CLMN: variants seen among roughly 807,000 people sequenced by gnomAD.
The protein encoded by CLMN is calmin (calponin-like, transmembrane).
CLMN carries 57 observed loss-of-function variants against 92.7 expected under a neutral mutation model. The ratio of observed to expected loss-of-function variants is 0.61; its 90% CI spans 0.50 to 0.77. The LOEUF is 0.77. Ranked by LOEUF, CLMN falls within the 30% of genes least tolerant of loss-of-function variation. The pLI is 0.00. For missense variants in CLMN, 1,158 were observed against 1,237.5 expected, an observed-to-expected ratio of 0.94 and a Z score of 0.96; for synonymous variants, 466 against 470.6, an observed-to-expected ratio of 0.99 and a Z score of 0.13.
intron 1 of CLMN, among the ~76,000 whole-genome samples, chr14:95,285,548 G>C (rs1280646173): frequency 6.6e-6 from 1 of 152,162 alleles, no homozygotes; most frequent in African/African-American, 2.4e-5. Flanking sequence ...ACACAAGCTA[G>C]GGAAACACTG....
intron 1 of CLMN, among the ~76,000 whole-genome samples, chr14:95,309,392 C>T (rs1384150228): frequency 1.3e-5 from 2 of 152,186 alleles, no homozygotes; most frequent in African/African-American, 2.4e-5. Context: ...TCCAAAAGTA[C>T]ACAAGGATTA....
chr14:95,249,847 AC>A (rs569825737), intron 1 of CLMN, among the ~76,000 whole-genome samples: 161 of 152,228 alleles, frequency 1.1e-3, no homozygotes, highest in Non-Finnish European at 1.7e-3. Context: ...CCCACTCAGA[AC>A]CCAATTTCAA....
intron 1 of CLMN, among the ~76,000 whole-genome samples, chr14:95,304,686 T>C (rs1012607432): frequency 6.6e-6 from 1 of 152,018 alleles, no homozygotes; most frequent in African/African-American, 2.4e-5. Context: ...GTACAGATTG[T>C]TGTACAATCT....
chr14:95,319,583 G>C, intron 1 of CLMN, 128 bp downstream of exon 1: 5 of 762,944 alleles, frequency 6.6e-6, no homozygotes, highest in Non-Finnish European at 8.0e-6. Flanking sequence ...CTCCCACCTC[G>C]AGGCAAGTGA....
intron 1 of CLMN, among the ~76,000 whole-genome samples, chr14:95,305,339 C>G (rs1595117390): frequency 1.3e-5 from 2 of 152,200 alleles, no homozygotes; most frequent in African/African-American, 2.4e-5. Flanking sequence ...GTGTGAGCCA[C>G]CACTCAAAGC....
chr14:95,263,223 T>C (rs1422725818), intron 1 of CLMN, among the ~76,000 whole-genome samples: 2 of 152,168 alleles, frequency 1.3e-5, no homozygotes, highest in Non-Finnish European at 2.9e-5. Flanking sequence ...ATACGTCCTC[T>C]TCACGTGGCA....
intron 10 of CLMN, 74 bp downstream of exon 10, chr14:95,196,424 T>A: frequency 6.9e-7 from 1 of 1,439,266 alleles, no homozygotes; most frequent in Non-Finnish European, 9.4e-7. Flanking sequence ...TCCCACCCCA[T>A]CAAATCAGAA....
intron 1 of CLMN, among the ~76,000 whole-genome samples, chr14:95,231,820 A>G (rs994290825): frequency 1.3e-5 from 2 of 152,178 alleles, no homozygotes; most frequent in African/African-American, 4.8e-5. Flanking sequence ...TGCAATAGTC[A>G]TAACAGTGAT....
At chr14:95,193,250 A>T in intron 12 of CLMN, 1 of 1,041,564 alleles carries the variant, frequency 9.6e-7, no homozygotes, top group Non-Finnish European at 1.4e-6. Context: ...CCTATGTTTT[A>T]AATGGGCAGG....
intron 12 of CLMN, chr14:95,193,534 T>C (rs1896613362): frequency 2.8e-6 from 2 of 712,880 alleles, no homozygotes; most frequent in Non-Finnish European, 4.6e-6. Context: ...AACTACCCTA[T>C]ACCACTAAAC....
At chr14:95,221,649 C>G in intron 4 of CLMN, 42 bp downstream of exon 4, 1 of 1,554,650 alleles carries the variant, frequency 6.4e-7, no homozygotes, top group Non-Finnish European at 8.9e-7. Flanking sequence ...CTTTTCCTAA[C>G]AGGACAAGCT....
chr14:95,202,921 C>T lies in CLMN; in HGVS notation c.2428G>A (p.Ala810Thr). Residue 810 changes from alanine to threonine, a missense_variant, in exon 9 of 13, where the codon GCC becomes ACC. By Grantham distance (58) the Ala-to-Thr change is moderately conservative. Transcript: ENST00000298912. Reference sequence around the variant, plus strand: ...GGGGCCAGTGGAGCGGGTTCTGAGGCTGGTGTGGTACCCACACCACCCCTG... The same window carrying T: ...GGGGCCAGTGGAGCGGGTTCTGAGGTTGGTGTGGTACCCACACCACCCCTG... ...LSRGGVGTTP[A>T]SEPAPLAPHE... is the part of the protein sequence containing the mutation. 1.2e-6 allele frequency: 2 copies of T among 1,603,670 alleles called. No homozygotes were observed. Among genetic ancestry groups the T allele is most frequent in the Non-Finnish European group, 1.7e-6 (2 of 1,176,204 alleles).
intron 1 of CLMN, among the ~76,000 whole-genome samples, chr14:95,253,857 G>A (rs375160762): frequency 9.2e-5 from 14 of 152,062 alleles, no homozygotes; most frequent in East Asian, 7.7e-4. Flanking sequence ...CTCCTGATCC[G>A]CCCGCCTCGG....
chr14:95,245,255 ATATATATATAT>A (rs1182135065), intron 1 of CLMN, among the ~76,000 whole-genome samples: 6,628 of 39,084 alleles, frequency 0.17, 698 homozygotes, highest in African/African-American at 0.31. Flanking sequence ...TATATATATA[ATATATATATAT>A]ATATTATATA....
rs561045752 is a variant in CLMN, at chr14:95,276,345, C to T, written c.82+43366G>A. Among the ~76,000 whole-genome samples, 350 of 152,250 alleles carry T rather than the reference C, an allele frequency of 2.3e-3. 2 individuals carry two copies. Among genetic ancestry groups the T allele is most frequent in the African/African-American group, 8.3e-3 (344 of 41,542 alleles). On this transcript the variant is annotated intron_variant, in intron 1 of 12. Transcript: ENST00000298912. ...GGATTTCGTGCCACAGGATGTTAGC[C>T]GCTATTCTCTTTGGATTAATCTGCC...
rs1896393045 is a variant in CLMN at position 95,184,360 on chromosome 14, G to A, written c.*7204C>T. 6.6e-6 allele frequency: 1 copy of A among 152,230 alleles called. No individual in the cohort carries two copies. Among genetic ancestry groups the A allele is most frequent in the African/African-American group, 2.4e-5 (1 of 41,448 alleles). The allele number at this position is 152,230 out of a possible 1,614,324, so 9.4% of individuals were successfully genotyped here. A position where few individuals can be genotyped will look rare whatever the true frequency, so the allele number is the denominator to read the frequency against. ...AAAGGGTTCCTTTAAAGAGAACACT[G>A]CTAGATGAAGCTATTCTTGACATCT... On this transcript the variant is annotated 3_prime_UTR_variant, in exon 13 of 13. Coordinates refer to ENST00000298912, the MANE Select transcript of CLMN (RefSeq NM_024734.4).
Position 95,259,827 on chromosome 14 carries a change from C to A in CLMN, c.83-29694G>T, listed in dbSNP as rs1237659084. ...GCATTAAAATGCATGGCCAGCTGCA[C>A]CTGCGTTTCCTCTCCCCACACCCAC... On this transcript the variant is annotated intron_variant, in intron 1 of 12. Transcript: ENST00000298912. The surrounding 1 kb of genome is among the most constrained non-coding windows in gnomAD (Gnocchi z 4.3). Among the ~76,000 whole-genome samples the A allele has an allele frequency of 6.6e-6, 1 of 152,204 alleles. No individual in the cohort carries two copies. The highest frequency in any genetic ancestry group is 2.1e-4 in the South Asian group (1 of 4,826).
Position 95,259,921 on chromosome 14 carries a change from G to A in CLMN, c.83-29788C>T, listed in dbSNP as rs185876057. ...TGCTTGCCTGGGGCTCCAGGCCTTT[G>A]CACACGCTGTTCCTGCTGTCTGGCA... On this transcript the variant is annotated intron_variant, in intron 1 of 12. Coordinates refer to ENST00000298912, the MANE Select transcript of CLMN (RefSeq NM_024734.4). The surrounding 1 kb of genome is among the most constrained non-coding windows in gnomAD (Gnocchi z 4.3). Among the ~76,000 whole-genome samples, 2,160 of 152,164 alleles carry A rather than the reference G, an allele frequency of 0.014. 64 individuals are homozygous for A. Among genetic ancestry groups the A allele is most frequent in the African/African-American group, 0.048 (1,990 of 41,516 alleles).
At chr14:95,233,441 GTCCA>G (rs566534447) in intron 1 of CLMN, among the ~76,000 whole-genome samples, 3 of 150,954 alleles carry the variant, frequency 2.0e-5, no homozygotes, top group South Asian at 2.1e-4. Context: ...TCATCCATCT[GTCCA>G]TCCATCCATC....
Sources: gnomAD v4.1 joint callset for allele counts (sites outside exome capture counted in the v4.1 genomes callset) on GRCh38, gnomAD v4.1.1 for gene constraint, Gnocchi (gnomAD v3.1) non-coding constraint, MANE v1.5 for transcripts, NCBI Gene and HGNC (gene_info 2026-07-23, HGNC 2026-07-21) for gene names.